The following CDH12 variants were observed in gnomAD, a reference collection of about 807,000 sequenced individuals.
CDH12 encodes the protein cadherin 12.
In CDH12, 41 loss-of-function variants were observed where a neutral mutation model predicts 74.1. The ratio of observed to expected loss-of-function variants is 0.55; its 90% CI spans 0.43 to 0.72. The LOEUF (loss-of-function observed/expected upper bound fraction) is 0.72. CDH12 is among the 30% of genes least tolerant of loss of function. The pLI is 0.00. For synonymous variants in CDH12, 399 were observed against 355.0 expected (o/e 1.12, Z -1.39); for missense variants, 945 against 977.2 (o/e 0.97, Z 0.44).
chr5:22,542,538 C>A (rs1738152433), intron 1 of CDH12, among the ~76,000 whole-genome samples: 1 of 152,104 alleles, frequency 6.6e-6, no homozygotes, highest in African/African-American at 2.4e-5. Flanking sequence ...AAGTAACCAC[C>A]TTTAGTAATG....
At chr5:22,724,507 C>T (rs1744062663) in intron 1 of CDH12, among the ~76,000 whole-genome samples, 1 of 151,924 alleles carries the variant, frequency 6.6e-6, no homozygotes, top group Non-Finnish European at 1.5e-5. Flanking sequence ...TCCTGAGTTA[C>T]TTCACTTAGA....
chr5:22,417,890 AT>A (rs149113463), intron 2 of CDH12, among the ~76,000 whole-genome samples: 6,144 of 152,280 alleles, frequency 0.04, 426 homozygotes, highest in African/African-American at 0.14. Flanking sequence ...TGCAGTTTGA[AT>A]AGATCTGTTG....
At chr5:22,459,219 T>C (rs1406235887) in intron 2 of CDH12, among the ~76,000 whole-genome samples, 2 of 152,112 alleles carry the variant, frequency 1.3e-5, no homozygotes, top group African/African-American at 4.8e-5. Context: ...CTTTTATTTG[T>C]TTGCTTTTCT....
At chr5:22,748,362 C>A (rs1165550717) in intron 1 of CDH12, among the ~76,000 whole-genome samples, 2 of 151,740 alleles carry the variant, frequency 1.3e-5, no homozygotes, top group African/African-American at 4.8e-5. Context: ...GCAAAGTGCT[C>A]CCAAAATATA....
At chr5:22,572,168 A>G (rs1384865134) in intron 1 of CDH12, among the ~76,000 whole-genome samples, 1 of 152,194 alleles carries the variant, frequency 6.6e-6, no homozygotes, top group African/African-American at 2.4e-5. Context: ...AAAAAAAGTT[A>G]TATGAGATCT....
intron 1 of CDH12, among the ~76,000 whole-genome samples, chr5:22,826,317 T>C (rs948873059): frequency 6.6e-6 from 1 of 152,184 alleles, no homozygotes; most frequent in Admixed American, 6.5e-5. Flanking sequence ...CACCATGATT[T>C]TGAGCCACGT....
chr5:22,799,288 A>C (rs1442056802), intron 1 of CDH12, among the ~76,000 whole-genome samples: 1 of 152,194 alleles, frequency 6.6e-6, no homozygotes, highest in Non-Finnish European at 1.5e-5. Context: ...TTATAATATA[A>C]AGCGTATATA....
At chr5:22,625,790 C>T (rs982793526) in intron 1 of CDH12, among the ~76,000 whole-genome samples, 10 of 152,096 alleles carry the variant, frequency 6.6e-5, no homozygotes, top group Admixed American at 6.5e-4. Context: ...CCTGGCAGAC[C>T]ACACCTGACC....
chr5:22,388,856 A>G (rs1742111580), intron 3 of CDH12, among the ~76,000 whole-genome samples: 1 of 151,888 alleles, frequency 6.6e-6, no homozygotes, highest in Admixed American at 6.6e-5. Flanking sequence ...TTGAATTGCT[A>G]TGAAAATCTA....
intron 4 of CDH12, among the ~76,000 whole-genome samples, chr5:22,098,046 C>T (rs1453671251): frequency 6.6e-6 from 1 of 152,172 alleles, no homozygotes; most frequent in African/African-American, 2.4e-5. Flanking sequence ...CTCCTATCCT[C>T]AATACCTCCC....
intron 1 of CDH12, among the ~76,000 whole-genome samples, chr5:22,785,372 T>C (rs1295418231): frequency 6.6e-6 from 1 of 152,172 alleles, no homozygotes. Flanking sequence ...GTTATTAAAA[T>C]TTAATTCTGT....
intron 2 of CDH12, among the ~76,000 whole-genome samples, chr5:22,502,727 A>C (rs1223834280): frequency 1.3e-5 from 2 of 151,888 alleles, no homozygotes; most frequent in Non-Finnish European, 2.9e-5. Context: ...CGACTAAAAC[A>C]ACAAAACACA....
intron 1 of CDH12, among the ~76,000 whole-genome samples, chr5:22,546,987 C>T (rs757267691): frequency 2.0e-5 from 3 of 152,046 alleles, no homozygotes; most frequent in Non-Finnish European, 2.9e-5. Flanking sequence ...TTGGAAAATG[C>T]GATTGTAAAG....
chr5:22,713,827 C>T (rs779033719), intron 1 of CDH12, among the ~76,000 whole-genome samples: 1 of 152,108 alleles, frequency 6.6e-6, no homozygotes, highest in Non-Finnish European at 1.5e-5. Flanking sequence ...ACTTTTAAAA[C>T]TCAAACTTTC....
chr5:22,277,657 A>G (rs1396762194), intron 3 of CDH12, among the ~76,000 whole-genome samples: 1 of 48,072 alleles, frequency 2.1e-5, no homozygotes, highest in African/African-American at 7.0e-5. Flanking sequence ...ACATGGAGAA[A>G]CCCTATCTCT....
intron 6 of CDH12, among the ~76,000 whole-genome samples, chr5:21,923,903 G>T (rs1274062408): frequency 6.6e-6 from 1 of 152,112 alleles, no homozygotes; most frequent in Non-Finnish European, 1.5e-5. Flanking sequence ...AAGACATAGG[G>T]TAAATTATTG....
At chr5:22,823,736 C>A (rs988563478) in intron 1 of CDH12, among the ~76,000 whole-genome samples, 2 of 151,996 alleles carry the variant, frequency 1.3e-5, no homozygotes, top group Non-Finnish European at 2.9e-5. Flanking sequence ...GGGGAGTTCT[C>A]AGGAGATCTG....
In CDH12 at chr5:22,372,933, A is replaced by T. The variant is rs1286142223; in HGVS notation, c.-333+32324T>A. 2.0e-5 allele frequency among the ~76,000 whole-genome samples: 3 copies of T among 152,130 alleles called. 1 individual carries two copies. In the East Asian group the frequency reaches 5.8e-4, roughly 30 times the overall value. ...GGGATGGAGGCACCAGAAAACCACC[A>T]GCTCCACAGCTGCCCCAGTAAGCTA... On this transcript the variant is annotated intron_variant, in intron 3 of 14. Coordinates refer to ENST00000382254, the MANE Select transcript of CDH12 (RefSeq NM_004061.5).
chr5:22,475,910 A>T (rs538976684), intron 2 of CDH12, among the ~76,000 whole-genome samples: 1 of 152,122 alleles, frequency 6.6e-6, no homozygotes, highest in Non-Finnish European at 1.5e-5. Flanking sequence ...TTTTCTAGAG[A>T]TTATTTTTTT....
Sources: gnomAD v4.1 joint callset for allele counts (sites outside exome capture counted in the v4.1 genomes callset) on GRCh38, gnomAD v4.1.1 for gene constraint, MANE v1.5 for transcripts, NCBI Gene and HGNC (gene_info 2026-07-23, HGNC 2026-07-21) for gene names.